Variants in MEF2C observed in about 807,000 individuals in gnomAD.
The protein encoded by MEF2C is myocyte enhancer factor 2C, also known as myocyte-specific enhancer factor 2C.
MEF2C carries 6 observed loss-of-function variants against 50.5 expected under a neutral mutation model. That is an observed-to-expected ratio of 0.12 (90% CI 0.07 to 0.23). The LOEUF is 0.23. Among genes scored for constraint, MEF2C ranks in the 10% least tolerant of loss-of-function variants. MEF2C has a pLI of 1.00. For missense variants in MEF2C, 276 were observed against 605.0 expected, an observed-to-expected ratio of 0.46 and a Z score of 5.70; for synonymous variants, 183 against 228.0, an observed-to-expected ratio of 0.80 and a Z score of 1.78.
intron 10 of MEF2C, among the ~76,000 whole-genome samples, chr5:88,726,367 A>G (rs1758736889): frequency 6.6e-6 from 1 of 152,206 alleles, no homozygotes; most frequent in African/African-American, 2.4e-5. Flanking sequence ...AAGGATGCTC[A>G]TGTGAATTAC....
At chr5:88,727,955 T>A (rs939949449) in intron 10 of MEF2C, among the ~76,000 whole-genome samples, 5 of 151,950 alleles carry the variant, frequency 3.3e-5, no homozygotes, top group Admixed American at 6.6e-5. Flanking sequence ...TATTTTTATA[T>A]CCAAATTTAG....
At chr5:88,826,819 T>G (rs1811071711) in intron 1 of MEF2C, among the ~76,000 whole-genome samples, 1 of 151,812 alleles carries the variant, frequency 6.6e-6, no homozygotes, top group South Asian at 2.1e-4. Context: ...AAGCTTAAAA[T>G]AATTCCAACA....
chr5:88,756,212 T>C (rs1023696068), intron 4 of MEF2C, among the ~76,000 whole-genome samples: 5 of 152,200 alleles, frequency 3.3e-5, no homozygotes, highest in African/African-American at 9.6e-5. Context: ...CATGGATATA[T>C]TGCATACTGG....
chr5:88,811,012 G>A (rs1450456669), intron 2 of MEF2C, among the ~76,000 whole-genome samples: 1 of 152,052 alleles, frequency 6.6e-6, no homozygotes, highest in Non-Finnish European at 1.5e-5. Flanking sequence ...GGAATTTTGG[G>A]AAAGGATCTA....
chr5:88,885,621 A>G (rs1459874080), upstream of MEF2C, among the ~76,000 whole-genome samples: 2 of 152,362 alleles, frequency 1.3e-5, no homozygotes, highest in African/African-American at 2.4e-5. Flanking sequence ...TGAAAATCCA[A>G]AAATTTAAAG....
chr5:88,860,981 C>T (rs771966910), intron 1 of MEF2C, among the ~76,000 whole-genome samples: 5 of 152,140 alleles, frequency 3.3e-5, no homozygotes, highest in African/African-American at 4.8e-5. Context: ...CATCACTTCC[C>T]CTGTTACTTC....
chr5:88,746,438 TCAC>T lies in MEF2C; in HGVS notation c.637+2629_637+2631del, dbSNP rs1278988159. ...TGCCTCATGAGACTCTCCCTCCCTC[TCAC>T]TTTTTTTTTTTTTTTAACAAAGTGA... On this transcript the variant is annotated intron_variant, in intron 6 of 10. Coordinates refer to ENST00000504921, the MANE Select transcript of MEF2C (RefSeq NM_002397.5). The T allele has an allele frequency of 4.2e-5, 34 of 813,202 alleles. No homozygotes were observed. The African/African-American group carries it at 6.3e-4, about 15-fold the overall frequency. 50.4% of individuals were successfully genotyped at this position (813,202 alleles called of 1,614,324 possible).
At chr5:88,742,089 A>G (rs1767089031) in intron 6 of MEF2C, 12 of 985,310 alleles carry the variant, frequency 1.2e-5, no homozygotes, top group African/African-American at 1.7e-5. Context: ...ACAGCAGATT[A>G]TACTCTTGGC....
chr5:88,772,642 C>A (rs1346349945), intron 3 of MEF2C: 1 of 747,842 alleles, frequency 1.3e-6, no homozygotes, highest in East Asian at 1.3e-4. Flanking sequence ...GGATTGTGAA[C>A]ACAGATTTCA....
intron 6 of MEF2C, chr5:88,734,243 G>A (rs532665799): frequency 1.0e-6 from 1 of 985,334 alleles, no homozygotes; most frequent in East Asian, 1.1e-4. Context: ...CTGAAGGTCA[G>A]ATGGACACAC....
chr5:88,811,649 A>AT (rs1461481302), intron 2 of MEF2C, among the ~76,000 whole-genome samples: 1 of 152,112 alleles, frequency 6.6e-6, no homozygotes, highest in Non-Finnish European at 1.5e-5. Flanking sequence ...TCTAATTTCC[A>AT]TATTTCAAGA....
At chr5:88,747,839 G>C (rs599402) in intron 6 of MEF2C, among the ~76,000 whole-genome samples, 73,907 of 151,910 alleles carry the variant, frequency 0.49, 19,340 homozygotes, top group East Asian at 0.58. Flanking sequence ...GTTTGGTAGA[G>C]ACTTGGATCC....
chr5:88,881,370 C>T (rs898811809), intron 1 of MEF2C: 1 of 152,152 alleles, frequency 6.6e-6, no homozygotes, highest in African/African-American at 2.4e-5. Context: ...AACTTAATTT[C>T]ATGCATACAC....
chr5:88,832,265 T>C (rs1472103414), intron 1 of MEF2C, among the ~76,000 whole-genome samples: 1 of 152,120 alleles, frequency 6.6e-6, no homozygotes, highest in Admixed American at 6.6e-5. Context: ...CTAACATAAA[T>C]CAATAATAAC....
Position 88,774,131 on chromosome 5 carries a change from A to G in MEF2C, c.259-12803T>C, listed in dbSNP as rs1561947581. Among the ~76,000 whole-genome samples, 3 of 152,192 alleles carry G rather than the reference A, an allele frequency of 2.0e-5. No homozygotes were observed. In the South Asian group the frequency reaches 6.2e-4, roughly 31 times the overall value. On this transcript the variant is annotated intron_variant, in intron 3 of 10. Transcript: ENST00000504921. ...GACTGGAAGTCAGAGATCTGGGGAAAAGGCTCCTTGCAGGTTCAACAGTTG... is the reference window on the plus strand; with the variant it reads ...GACTGGAAGTCAGAGATCTGGGGAAGAGGCTCCTTGCAGGTTCAACAGTTG...
At chr5:88,777,903 T>C (rs1052221888) in intron 3 of MEF2C, among the ~76,000 whole-genome samples, 13 of 132,582 alleles carry the variant, frequency 9.8e-5, no homozygotes, top group African/African-American at 3.7e-4. Flanking sequence ...TCTTTTCTTT[T>C]TTTTTTTTTT....
chr5:88,885,498 A>G (rs1833972073), upstream of MEF2C, among the ~76,000 whole-genome samples: 1 of 152,120 alleles, frequency 6.6e-6, no homozygotes, highest in African/African-American at 2.4e-5. Flanking sequence ...AGTATTTACA[A>G]TGTATTTTGT....
intron 6 of MEF2C, chr5:88,737,131 G>A (rs995338066): frequency 5.1e-6 from 5 of 985,250 alleles, no homozygotes; most frequent in Non-Finnish European, 6.0e-6. Context: ...AGTTATTGAG[G>A]GACAATGAGG....
intron 1 of MEF2C, among the ~76,000 whole-genome samples, chr5:88,836,455 A>G (rs1472568156): frequency 6.6e-6 from 1 of 152,012 alleles, no homozygotes; most frequent in African/African-American, 2.4e-5. Context: ...TCCCCACTCC[A>G]GTTTTTCATT....
Sources: gnomAD v4.1 joint callset for allele counts (sites outside exome capture counted in the v4.1 genomes callset) on GRCh38, gnomAD v4.1.1 for gene constraint, MANE v1.5 for transcripts, NCBI Gene and HGNC (gene_info 2026-07-23, HGNC 2026-07-21) for gene names.